MYT1L: variants seen among roughly 807,000 people sequenced by gnomAD.
MYT1L encodes myelin transcription factor 1 like.
In MYT1L, 12 loss-of-function variants were observed where a neutral mutation model predicts 126.7. The ratio of observed to expected loss-of-function variants is 0.09; its 90% CI spans 0.06 to 0.15. The LOEUF is 0.15. Among genes scored for constraint, MYT1L ranks in the 10% least tolerant of loss-of-function variants. The pLI, the probability that MYT1L is intolerant of heterozygous loss-of-function variation, is 1.00. For synonymous variants in MYT1L, 541 were observed against 604.2 expected, an observed-to-expected ratio of 0.90 and a Z score of 1.53; for missense variants, 979 against 1,585.2, an observed-to-expected ratio of 0.62 and a Z score of 6.49.
chr2:2,126,251 A>C (rs944939823), intron 3 of MYT1L, among the ~76,000 whole-genome samples: 1 of 152,230 alleles, frequency 6.6e-6, no homozygotes, highest in African/African-American at 2.4e-5. Flanking sequence ...TAGAGATGGG[A>C]TGTCCATGCT....
At chr2:2,096,244 G>A (rs1180647558) in intron 3 of MYT1L, among the ~76,000 whole-genome samples, 2 of 152,282 alleles carry the variant, frequency 1.3e-5, no homozygotes, top group East Asian at 1.9e-4. Flanking sequence ...AGGGTGCCAC[G>A]AAGCTCTCAC....
chr2:1,878,005 G>T (rs1338748683), intron 18 of MYT1L, among the ~76,000 whole-genome samples: 1 of 152,244 alleles, frequency 6.6e-6, no homozygotes, highest in African/African-American at 2.4e-5. Context: ...TATTAGCCAT[G>T]TATGTGTTAA....
intron 2 of MYT1L, among the ~76,000 whole-genome samples, chr2:2,253,291 G>A (rs915269857): frequency 6.6e-6 from 1 of 152,224 alleles, no homozygotes; most frequent in South Asian, 2.1e-4. Context: ...AACAGGGCTC[G>A]CTGGCTTCCA....
chr2:2,184,659 A>G (rs545511001), intron 2 of MYT1L, among the ~76,000 whole-genome samples: 26 of 152,222 alleles, frequency 1.7e-4, no homozygotes, highest in African/African-American at 5.8e-4. Flanking sequence ...CTTCCCGCCT[A>G]AGCCTCCCCG....
intron 5 of MYT1L, among the ~76,000 whole-genome samples, chr2:1,983,585 C>T (rs2060771988): frequency 1.3e-5 from 2 of 152,230 alleles, no homozygotes; most frequent in Non-Finnish European, 2.9e-5. Context: ...TTCTTCAGGA[C>T]TCCCCAGCCC....
At chr2:2,073,198 T>C (rs1011974644) in intron 3 of MYT1L, among the ~76,000 whole-genome samples, 66 of 152,302 alleles carry the variant, frequency 4.3e-4, no homozygotes, top group African/African-American at 1.3e-3. Flanking sequence ...ATTGAGTCCA[T>C]GGCAACATTA....
chr2:2,305,008 C>A (rs1296822615), intron 1 of MYT1L, among the ~76,000 whole-genome samples: 5 of 152,170 alleles, frequency 3.3e-5, no homozygotes, highest in African/African-American at 9.7e-5. Flanking sequence ...TAAGATATCT[C>A]ATTAAAATTA....
intron 14 of MYT1L, among the ~76,000 whole-genome samples, chr2:1,894,084 A>T (rs2049271290): frequency 6.6e-6 from 1 of 152,248 alleles, no homozygotes; most frequent in Admixed American, 6.5e-5. Flanking sequence ...GAAATACAAT[A>T]GTAATCTGTT....
chr2:1,885,001 A>G (rs1212692978), intron 18 of MYT1L, among the ~76,000 whole-genome samples: 2 of 152,252 alleles, frequency 1.3e-5, no homozygotes, highest in African/African-American at 4.8e-5. Flanking sequence ...AAGGGATGCA[A>G]GCCAAAGAAA....
At chr2:2,229,792 G>T (rs2094118412) in intron 2 of MYT1L, among the ~76,000 whole-genome samples, 1 of 152,126 alleles carries the variant, frequency 6.6e-6, no homozygotes, top group Non-Finnish European at 1.5e-5. Context: ...CTCCCATGGT[G>T]TGTGTAAAAC....
At chr2:2,249,185 A>G (rs1343309100) in intron 2 of MYT1L, among the ~76,000 whole-genome samples, 1 of 152,152 alleles carries the variant, frequency 6.6e-6, no homozygotes, top group African/African-American at 2.4e-5. Flanking sequence ...AGGATACAAA[A>G]TTAACATACA....
chr2:1,996,354 G>C (rs371354328), intron 5 of MYT1L, among the ~76,000 whole-genome samples: 1 of 151,880 alleles, frequency 6.6e-6, no homozygotes, highest in African/African-American at 2.4e-5. Flanking sequence ...ACAGAACCGA[G>C]TGTAGACGGG....
At chr2:1,865,267 C>A (rs959075821) in intron 18 of MYT1L, among the ~76,000 whole-genome samples, 12 of 152,140 alleles carry the variant, frequency 7.9e-5, no homozygotes, top group African/African-American at 2.9e-4. Context: ...CTGAGGGACA[C>A]CCCCTCCAGC....
intron 1 of MYT1L, among the ~76,000 whole-genome samples, chr2:2,308,276 C>G (rs1573427310): frequency 1.3e-5 from 2 of 151,978 alleles, no homozygotes; most frequent in South Asian, 4.2e-4. Flanking sequence ...CTTCAGTACA[C>G]TCTACCTATA....
At chr2:2,169,824 G>A (rs527535997) in intron 3 of MYT1L, among the ~76,000 whole-genome samples, 18 of 152,180 alleles carry the variant, frequency 1.2e-4, no homozygotes, top group Admixed American at 2.6e-4. Context: ...TGGCTTATGC[G>A]CGGTTTTATG....
At chr2:2,149,968 A>G (rs747002722) in intron 3 of MYT1L, among the ~76,000 whole-genome samples, 1 of 152,154 alleles carries the variant, frequency 6.6e-6, no homozygotes, top group Non-Finnish European at 1.5e-5. Context: ...CAGTCACCAT[A>G]TTGTCAACAT....
At chr2:2,223,667 T>G (rs1200421958) in intron 2 of MYT1L, among the ~76,000 whole-genome samples, 2 of 152,254 alleles carry the variant, frequency 1.3e-5, no homozygotes, top group African/African-American at 4.8e-5. Context: ...GGCCAATTTT[T>G]GTCTTTACAA....
intron 9 of MYT1L, among the ~76,000 whole-genome samples, chr2:1,933,237 C>A (rs1558447265): frequency 6.6e-6 from 1 of 151,506 alleles, no homozygotes; most frequent in Admixed American, 6.6e-5. Context: ...CAGGTGAGAG[C>A]TCAGAGAGCC....
At chr2:1,830,712 G>C (rs6707674) in intron 21 of MYT1L, among the ~76,000 whole-genome samples, 69,117 of 152,036 alleles carry the variant, frequency 0.45, 17,870 homozygotes, top group African/African-American at 0.71. Flanking sequence ...GAGACAGGAG[G>C]AAGGCCAGGC....
Sources: allele counts gnomAD v4.1 joint callset (sites outside exome capture counted in the v4.1 genomes callset), GRCh38; gene constraint gnomAD v4.1.1; transcripts MANE v1.5; gene names NCBI Gene and HGNC (gene_info 2026-07-23, HGNC 2026-07-21).